SREK1IP1: variants seen among roughly 807,000 people sequenced by gnomAD.
SREK1IP1 encodes SREK1 interacting protein 1, also known as protein SREK1IP1.
In SREK1IP1, 12 loss-of-function variants were observed where a neutral mutation model predicts 22.8. That is an observed-to-expected ratio of 0.53 (90% confidence interval 0.34 to 0.85). The LOEUF (loss-of-function observed/expected upper bound fraction) is 0.85, where lower values mean the gene tolerates loss of function less well. Among genes scored for constraint, SREK1IP1 ranks in the 40% least tolerant of loss-of-function variants. The pLI is 0.02. For missense variants in SREK1IP1, 147 were observed against 171.8 expected (o/e 0.86, Z 0.81); for synonymous variants, 53 against 52.7 (o/e 1.01, Z -0.02).
chr5:64,752,971 A>G (rs1037794296), intron 2 of SREK1IP1, among the ~76,000 whole-genome samples: 9 of 152,224 alleles, frequency 5.9e-5, no homozygotes, highest in African/African-American at 2.2e-4. Flanking sequence ...GATCTAAATA[A>G]TAAAGCAAAA....
chr5:64,733,359 T>G (rs1030213366), intron 3 of SREK1IP1, among the ~76,000 whole-genome samples: 2 of 152,148 alleles, frequency 1.3e-5, no homozygotes, highest in African/African-American at 4.8e-5. Flanking sequence ...AATATACACA[T>G]GTACCCACAT....
At chr5:64,767,131 A>G (rs1423532) in intron 1 of SREK1IP1, among the ~76,000 whole-genome samples, 5,724 of 152,102 alleles carry the variant, frequency 0.038, 379 homozygotes, top group African/African-American at 0.13. Context: ...CTCTTTTCAC[A>G]TATTTCCTCT....
intron 3 of SREK1IP1, among the ~76,000 whole-genome samples, chr5:64,733,877 T>TA (rs1742416530): frequency 6.6e-6 from 1 of 152,134 alleles, no homozygotes; most frequent in South Asian, 2.1e-4. Context: ...AAGGGTTACA[T>TA]ACTGTAAGAT....
At position 64,744,920 on chromosome 5, in the gene SREK1IP1, G is replaced by A. The variant is rs1030540559; in HGVS notation, c.62-3720C>T. ...TTATGGGAACTCAAACACACTATAC[G>A]CATTCTTGCTTCTTTCAGTGAGTGA... On this transcript the variant is annotated intron_variant, in intron 2 of 4. Coordinates refer to ENST00000513458, the MANE Select transcript of SREK1IP1 (RefSeq NM_173829.4). Among the ~76,000 whole-genome samples the A allele has an allele frequency of 4.6e-5, 7 of 152,212 alleles. No individual in the cohort carries two copies. The East Asian group carries it at 9.6e-4, about 21-fold the overall frequency.
rs116888284 is a variant in SREK1IP1, at chr5:64,745,304, A to C, written c.62-4104T>G. ...GCCTCTTTGATCAGAACTCCTGATG[A>C]TACAGGCTGGGCATGGTGGCTCATG... On this transcript the variant is annotated intron_variant, in intron 2 of 4. Transcript: ENST00000513458. 3.9e-5 allele frequency among the ~76,000 whole-genome samples: 6 copies of C among 152,240 alleles called. No individual in the cohort carries two copies. In the East Asian group the frequency reaches 9.7e-4, roughly 25 times the overall value.
At chr5:64,747,791 G>A (rs1742666008) in intron 2 of SREK1IP1, among the ~76,000 whole-genome samples, 1 of 152,108 alleles carries the variant, frequency 6.6e-6, no homozygotes, top group African/African-American at 2.4e-5. Flanking sequence ...AGCCGGGCAT[G>A]GTGGCACACA....
At chr5:64,759,163 A>T (rs995089531) in intron 1 of SREK1IP1, among the ~76,000 whole-genome samples, 3 of 152,154 alleles carry the variant, frequency 2.0e-5, no homozygotes, top group Non-Finnish European at 4.4e-5. Context: ...TCCCTGGGTC[A>T]TTTCTATTTT....
At position 64,768,653 on chromosome 5, in the gene SREK1IP1, A is replaced by G. The variant is rs1036314450; in HGVS notation, c.-136T>C. ...AGCAGCACCCTCGCTACGGTCGGGA[A>G]GGGCCTGTACGCCTCTAGCGACGGC... On this transcript the variant is annotated 5_prime_UTR_variant, in exon 1 of 5. Coordinates refer to ENST00000513458, the MANE Select transcript of SREK1IP1 (RefSeq NM_173829.4). 8 of 1,297,986 alleles carry G rather than the reference A, an allele frequency of 6.2e-6. No homozygotes were observed. The highest frequency in any genetic ancestry group is 8.8e-6 in the Non-Finnish European group (8 of 911,394). The allele number at this position is 1,297,986 out of a possible 1,614,324, so 80.4% of individuals were successfully genotyped here. A position where few individuals can be genotyped will look rare whatever the true frequency, so the allele number is the denominator to read the frequency against.
chr5:64,731,770 GCCAGA>G (rs889377708), intron 3 of SREK1IP1, among the ~76,000 whole-genome samples: 18 of 152,106 alleles, frequency 1.2e-4, no homozygotes, highest in Admixed American at 1.2e-3. Flanking sequence ...AAAAATAATG[GCCAGA>G]CCAAAGATAA....
At chr5:64,741,633 C>T (rs927407112) in intron 2 of SREK1IP1, among the ~76,000 whole-genome samples, 1 of 152,070 alleles carries the variant, frequency 6.6e-6, no homozygotes, top group Non-Finnish European at 1.5e-5. Context: ...TACCTTTCAT[C>T]TAATTAAAGT....
At chr5:64,762,358 C>G (rs1173599637) in intron 1 of SREK1IP1, among the ~76,000 whole-genome samples, 1 of 152,042 alleles carries the variant, frequency 6.6e-6, no homozygotes, top group Non-Finnish European at 1.5e-5. Flanking sequence ...TGTTTAGTAA[C>G]AAGTTTTATA....
At chr5:64,727,553 A>ATATATATATTTTTT in intron 4 of SREK1IP1, 3 of 84,714 alleles carry the variant, frequency 3.5e-5, no homozygotes, top group African/African-American at 1.6e-4. Flanking sequence ...ATATATATAT[A>ATATATATATTTTTT]TTTTTTTTTT....
chr5:64,743,923 C>T (rs531912543), intron 2 of SREK1IP1, among the ~76,000 whole-genome samples: 16 of 152,204 alleles, frequency 1.1e-4, no homozygotes, highest in Admixed American at 8.5e-4. Context: ...AGTGATGGTC[C>T]AGCAGCTGTC....
At chr5:64,766,645 C>A (rs1195465787) in intron 1 of SREK1IP1, among the ~76,000 whole-genome samples, 1 of 152,184 alleles carries the variant, frequency 6.6e-6, no homozygotes, top group Non-Finnish European at 1.5e-5. Flanking sequence ...TCATGGCCTA[C>A]AGGTCCTTAA....
At position 64,734,580 on chromosome 5, in the gene SREK1IP1, A is replaced by G. The variant is rs28766978; in HGVS notation, c.206-6401T>C. Among the ~76,000 whole-genome samples, 1,413 of 151,676 alleles carry G rather than the reference A, an allele frequency of 9.3e-3. 12 individuals are homozygous for G. The highest frequency in any genetic ancestry group is 0.014 in the Non-Finnish European group (970 of 67,814). ...CAATGAATATAGCGTATCTTTACTT[A>G]TTTCTTTAATGTCCCTCAACAATAT... On this transcript the variant is annotated intron_variant, in intron 3 of 4. Coordinates refer to ENST00000513458, the MANE Select transcript of SREK1IP1 (RefSeq NM_173829.4).
intron 3 of SREK1IP1, among the ~76,000 whole-genome samples, chr5:64,732,961 C>A (rs1029900174): frequency 6.7e-6 from 1 of 150,194 alleles, no homozygotes; most frequent in East Asian, 1.9e-4. Context: ...AGGAAAGACA[C>A]TTTTTAAGAA....
At chr5:64,734,493 T>C (rs1002101175) in intron 3 of SREK1IP1, among the ~76,000 whole-genome samples, 2 of 138,954 alleles carry the variant, frequency 1.4e-5, no homozygotes, top group Non-Finnish European at 1.5e-5. Context: ...TTGTGATTCC[T>C]TTTTTTTTAA....
chr5:64,723,133 G>A lies in SREK1IP1; in HGVS notation c.*1251C>T, dbSNP rs970178944. The A allele has an allele frequency of 2.6e-5, 4 of 152,168 alleles. No individual in the cohort carries two copies. Among genetic ancestry groups the A allele is most frequent in the Non-Finnish European group, 2.9e-5 (2 of 68,022 alleles). 9.4% of individuals were successfully genotyped at this position (152,168 alleles called of 1,614,324 possible). On this transcript the variant is annotated 3_prime_UTR_variant, in exon 5 of 5. Coordinates refer to ENST00000513458, the MANE Select transcript of SREK1IP1 (RefSeq NM_173829.4). Reference sequence around the variant, plus strand: ...AAGGGCTACCTAAGTATTAAGCAAAGTAACACTGATCAATGTGAAAATAGA... The same window carrying A: ...AAGGGCTACCTAAGTATTAAGCAAAATAACACTGATCAATGTGAAAATAGA...
intron 2 of SREK1IP1, 73 bp from the exon 3 acceptor site, chr5:64,741,273 G>T: frequency 7.3e-7 from 1 of 1,374,328 alleles, no homozygotes. Flanking sequence ...ATGTTTTGCT[G>T]CCTCACGGTA....
Sources: gnomAD v4.1 joint callset for allele counts (sites outside exome capture counted in the v4.1 genomes callset) on GRCh38, gnomAD v4.1.1 for gene constraint, MANE v1.5 for transcripts, NCBI Gene and HGNC (gene_info 2026-07-23, HGNC 2026-07-21) for gene names.